The following MYBPC1 variants were observed in gnomAD, a reference collection of about 807,000 sequenced individuals.
MYBPC1 encodes the protein myosin-binding protein C, slow-type.
In MYBPC1, 52 loss-of-function variants were observed where a neutral mutation model predicts 147.1. That is an observed-to-expected ratio of 0.35 (90% CI 0.28 to 0.45). MYBPC1 has a LOEUF of 0.45. Among genes scored for constraint, MYBPC1 ranks in the 20% least tolerant of loss-of-function variants. The pLI is 1.00. For synonymous variants in MYBPC1, 477 were observed against 475.9 expected (o/e 1.00, Z -0.03); for missense variants, 1,228 against 1,440.3 (o/e 0.85, Z 2.39).
At chr12:101,625,312 T>A (rs540584223) in intron 3 of MYBPC1, among the ~76,000 whole-genome samples, 1 of 152,150 alleles carries the variant, frequency 6.6e-6, no homozygotes, top group African/African-American at 2.4e-5. Flanking sequence ...TGATGGGGAG[T>A]CTTATCATTA....
At position 101,611,116 on chromosome 12, in the gene MYBPC1, AG is replaced by A. The variant is rs199507139; in HGVS notation, c.26-3379del. On this transcript the variant is annotated intron_variant, in intron 1 of 31. Transcript: ENST00000361466. Reference sequence around the variant, plus strand: ...GGTTTCTGTAATTTTGAGAAGAAAAAGTTCTGGATCTGCCTATTTACAGGCC... The same window carrying A: ...GGTTTCTGTAATTTTGAGAAGAAAAATTCTGGATCTGCCTATTTACAGGCC... 4.3e-3 allele frequency among the ~76,000 whole-genome samples: 657 copies of A among 152,308 alleles called. 6 individuals carry two copies. Among genetic ancestry groups the A allele is most frequent in the African/African-American group, 0.015 (606 of 41,562 alleles).
intron 2 of MYBPC1, among the ~76,000 whole-genome samples, chr12:101,615,655 AC>A (rs1318166562): frequency 2.1e-5 from 1 of 48,172 alleles, no homozygotes; most frequent in Non-Finnish European, 3.5e-5. Flanking sequence ...TATTATAAGA[AC>A]CCCCCGCCCC....
intron 20 of MYBPC1, among the ~76,000 whole-genome samples, chr12:101,661,760 G>C (rs570729541): frequency 6.6e-6 from 1 of 151,570 alleles, no homozygotes; most frequent in Admixed American, 6.6e-5. Context: ...ATGGTGGTGC[G>C]CACCTGTGGT....
chr12:101,691,531 A>T, the MYBPC1 span, among the ~76,000 whole-genome samples: 2 of 152,248 alleles, frequency 1.3e-5, no homozygotes. Context: ...GAGGATGTTA[A>T]GGAAGATTTG....
the MYBPC1 span, among the ~76,000 whole-genome samples, chr12:101,691,219 A>C: frequency 6.6e-6 from 1 of 152,106 alleles, no homozygotes; most frequent in Non-Finnish European, 1.5e-5. Flanking sequence ...TTGCAGGTGC[A>C]TGCCACCATG....
intron 1 of MYBPC1, among the ~76,000 whole-genome samples, chr12:101,613,307 A>G (rs1288703900): frequency 6.6e-6 from 1 of 152,176 alleles, no homozygotes; most frequent in Admixed American, 6.5e-5. Flanking sequence ...GTTCAGCCAA[A>G]CTGCTTGTTA....
At chr12:101,648,234 A>C in intron 14 of MYBPC1, 84 bp downstream of exon 14, 1 of 968,070 alleles carries the variant, frequency 1.0e-6, no homozygotes, top group Non-Finnish European at 1.6e-6. Context: ...AAGTACAAAT[A>C]GCTTTTAAAC....
chr12:101,601,335 A>G (rs1382635364), intron 1 of MYBPC1, among the ~76,000 whole-genome samples: 1 of 152,162 alleles, frequency 6.6e-6, no homozygotes, highest in Non-Finnish European at 1.5e-5. Context: ...TAATTTACAA[A>G]GAGTATGTTT....
chr12:101,614,375 C>A, intron 1 of MYBPC1, 121 bp from the exon 2 acceptor site: 1 of 959,856 alleles, frequency 1.0e-6, no homozygotes, highest in Non-Finnish European at 1.6e-6. Flanking sequence ...CTCCTCCATC[C>A]CTCTTGTGAG....
chr12:101,660,183 A>C, intron 19 of MYBPC1: 1 of 361,710 alleles, frequency 2.8e-6, no homozygotes, highest in Non-Finnish European at 5.4e-6. Context: ...AGCTGAATAA[A>C]ATGAGTCTAG....
intron 1 of MYBPC1, among the ~76,000 whole-genome samples, chr12:101,604,677 C>G (rs76012160): frequency 2.6e-5 from 4 of 152,088 alleles, no homozygotes; most frequent in African/African-American, 9.7e-5. Flanking sequence ...CCTGAGGGCC[C>G]AAATTATTTG....
rs1325560249 is a variant in MYBPC1 at position 101,678,244 on chromosome 12, A to C, written c.3246+6A>C. 8 of 1,613,968 alleles carry C rather than the reference A, an allele frequency of 5.0e-6. No homozygotes were observed. The highest frequency in any genetic ancestry group is 6.8e-6 in the Non-Finnish European group (8 of 1,179,832). On this transcript the variant is annotated splice_donor_region_variant and intron_variant, in intron 28 of 31. Coordinates refer to ENST00000361466, the MANE Select transcript of MYBPC1 (RefSeq NM_002465.4). ...GTGTGAGAGGAAATCCTAAGGTACC[A>C]TGTTCTTCTATCACATCAGTTAAAG... is the stretch of plus-strand genomic sequence containing the variant.
chr12:101,649,686 C>T (rs1037139220), intron 15 of MYBPC1, among the ~76,000 whole-genome samples: 3 of 151,922 alleles, frequency 2.0e-5, no homozygotes, highest in Non-Finnish European at 4.4e-5. Context: ...ATTCCAAGAC[C>T]GTAAAAATAG....
At chr12:101,614,806 C>A (rs916624768) in intron 2 of MYBPC1, 1 of 503,616 alleles carries the variant, frequency 2.0e-6, no homozygotes, top group Non-Finnish European at 3.6e-6. Context: ...GTTATTATGT[C>A]CGCATTTTAC....
At chr12:101,637,492 T>C (rs1393169220) in intron 10 of MYBPC1, among the ~76,000 whole-genome samples, 3 of 152,154 alleles carry the variant, frequency 2.0e-5, no homozygotes, top group Admixed American at 6.5e-5. Flanking sequence ...TATAGATATC[T>C]AGATATTTAC....
intron 28 of MYBPC1, among the ~76,000 whole-genome samples, chr12:101,679,370 G>C (rs1415880652): frequency 6.6e-6 from 1 of 152,130 alleles, no homozygotes; most frequent in Non-Finnish European, 1.5e-5. Flanking sequence ...CCTTGCCAAA[G>C]CTTTAGAAAG....
chr12:101,673,699 G>C (rs1403653773), intron 25 of MYBPC1, 77 bp downstream of exon 25: 7 of 1,512,596 alleles, frequency 4.6e-6, no homozygotes, highest in South Asian at 3.4e-5. Context: ...TAAGGCAAGA[G>C]CAGGAGTTTT....
chr12:101,626,947 T>C, intron 4 of MYBPC1, 37 bp downstream of exon 4: 1 of 1,573,016 alleles, frequency 6.4e-7, no homozygotes, highest in South Asian at 1.1e-5. Flanking sequence ...TGCTTTTAAA[T>C]ATATTATTCA....
intron 22 of MYBPC1, chr12:101,666,330 C>T: frequency 4.6e-6 from 1 of 215,398 alleles, no homozygotes; most frequent in Admixed American, 5.2e-5. Flanking sequence ...TCCTCCCCTG[C>T]TGGGGTGGCA....
Sources: allele counts gnomAD v4.1 joint callset (sites outside exome capture counted in the v4.1 genomes callset), GRCh38; gene constraint gnomAD v4.1.1; transcripts MANE v1.5; gene names NCBI Gene and HGNC (gene_info 2026-07-23, HGNC 2026-07-21).